Variants in SYNE2 observed in about 807,000 individuals in gnomAD.
SYNE2 encodes nesprin-2.
Under a neutral mutation model 856.3 loss-of-function variants are expected in SYNE2, and 431 were observed. The ratio of observed to expected loss-of-function variants is 0.50; its 90% CI spans 0.47 to 0.55. The LOEUF (loss-of-function observed/expected upper bound fraction) is 0.55. Ranked by LOEUF, SYNE2 falls within the 20% of genes least tolerant of loss-of-function variation. SYNE2 has a pLI of 0.00. For synonymous variants in SYNE2, 2,923 were observed against 2,872.3 expected, an observed-to-expected ratio of 1.02 and a Z score of -0.56; for missense variants, 8,129 against 8,023.2, an observed-to-expected ratio of 1.01 and a Z score of -0.50.
chr14:64,041,945 AC>A, intron 45 of SYNE2, among the ~76,000 whole-genome samples: 1 of 152,316 alleles, frequency 6.6e-6, no homozygotes. Flanking sequence ...TAAATCAATA[AC>A]TATCTATTGA....
chr14:64,119,683 T>G, intron 67 of SYNE2, 74 bp downstream of exon 67: 4 of 1,500,578 alleles, frequency 2.7e-6, no homozygotes, highest in Non-Finnish European at 3.7e-6. Context: ...GAACTCTGGT[T>G]GGAAGTGATG....
chr14:63,983,068 C>A (rs1242386515), intron 17 of SYNE2, among the ~76,000 whole-genome samples: 1 of 152,132 alleles, frequency 6.6e-6, no homozygotes, highest in Non-Finnish European at 1.5e-5. Context: ...ATAATGAAAT[C>A]ATATAATATG....
chr14:64,222,028 G>T (rs976933290), intron 112 of SYNE2, among the ~76,000 whole-genome samples: 1 of 152,194 alleles, frequency 6.6e-6, no homozygotes, highest in Non-Finnish European at 1.5e-5. Flanking sequence ...GAGAAATATG[G>T]TGCTCATTTG....
chr14:64,062,805 C>T lies in SYNE2; in HGVS notation c.10122C>T (p.Asn3374=). The change falls in exon 50 of 116, where the codon AAC becomes AAT. Residue 3374 remains asparagine (N), a synonymous_variant. Transcript: ENST00000555002. ...YRKMEEDIYT[N]LSKMETVLGQ... ...AAATGGAAGAGGATATTTACACTAA[C>T]CTCAGCAAAATGGAGACAGTTCTTG... The T allele has an allele frequency of 6.2e-7, 1 of 1,613,990 alleles. No individual in the cohort carries two copies. The highest frequency in any genetic ancestry group is 1.3e-5 in the African/African-American group (1 of 75,020).
intron 63 of SYNE2, 60 bp from the exon 64 acceptor site, chr14:64,101,872 C>G: frequency 1.6e-6 from 2 of 1,268,040 alleles, no homozygotes; most frequent in Non-Finnish European, 2.3e-6. Flanking sequence ...GTGAGTAGGG[C>G]ACCGGTTATG....
At chr14:64,121,944 G>A in intron 68 of SYNE2, 68 bp from the exon 69 acceptor site, 1 of 1,600,210 alleles carries the variant, frequency 6.2e-7, no homozygotes, top group Non-Finnish European at 8.5e-7. Flanking sequence ...TATCTCAGCA[G>A]AGGAAACTAG....
At position 64,113,378 on chromosome 14, in the gene SYNE2, C is replaced by A; in HGVS notation, c.12647C>A (p.Ser4216Tyr). 2 of 1,614,126 alleles carry A rather than the reference C, an allele frequency of 1.2e-6. No individual in the cohort carries two copies. Among genetic ancestry groups the A allele is most frequent in the Non-Finnish European group, 8.5e-7 (1 of 1,180,040 alleles). ...TPPIEADTLD[S>Y]SDAQGGLEPR... Reference sequence around the variant, plus strand: ...CCTATTGAGGCTGACACTCTGGACTCTTCTGACGCGCAAGGAGGTTTGGAG... The same window carrying A: ...CCTATTGAGGCTGACACTCTGGACTATTCTGACGCGCAAGGAGGTTTGGAG... Residue 4216 changes from serine (S) to tyrosine (Y), a missense_variant, in exon 66 of 116, where the codon TCT becomes TAT. Ser to Tyr is a moderately radical substitution (Grantham distance 144). Coordinates refer to ENST00000555002, the MANE Select transcript of SYNE2 (RefSeq NM_182914.3).
At chr14:64,144,061 C>A in intron 83 of SYNE2, 113 bp downstream of exon 83, 3 of 1,210,790 alleles carry the variant, frequency 2.5e-6, no homozygotes, top group Non-Finnish European at 2.5e-6. Flanking sequence ...TAATAATCAT[C>A]TCAACTATAG....
intron 95 of SYNE2, among the ~76,000 whole-genome samples, 180 bp from the exon 96 acceptor site, chr14:64,177,178 A>G (rs2098439089): frequency 6.6e-6 from 1 of 152,204 alleles, no homozygotes; most frequent in Non-Finnish European, 1.5e-5. Context: ...GTCGAGTCAT[A>G]TTGGTGTTCC....
intron 1 of SYNE2, among the ~76,000 whole-genome samples, chr14:63,812,512 A>T (rs781422474): frequency 3.3e-5 from 5 of 152,228 alleles, no homozygotes; most frequent in Non-Finnish European, 7.3e-5. Flanking sequence ...TATGAATATA[A>T]CAGGATTAAG....
At chr14:63,803,048 T>G (rs764129802) in intron 1 of SYNE2, among the ~76,000 whole-genome samples, 1 of 152,200 alleles carries the variant, frequency 6.6e-6, no homozygotes, top group South Asian at 2.1e-4. Context: ...GGCAGCCTGC[T>G]TTTATTCTCT....
At chr14:63,946,609 TAA>T (rs1208443814) in intron 6 of SYNE2, among the ~76,000 whole-genome samples, 6 of 147,466 alleles carry the variant, frequency 4.1e-5, no homozygotes, top group Admixed American at 1.4e-4. Flanking sequence ...CTGTAATATA[TAA>T]CTTTTGTCCA....
chr14:64,085,639 C>T (rs2153618718), intron 57 of SYNE2, among the ~76,000 whole-genome samples: 1 of 152,318 alleles, frequency 6.6e-6, no homozygotes. Context: ...CCACCAGCAA[C>T]ATCAGTTCTA....
chr14:64,172,904 C>T (rs912071459), intron 94 of SYNE2, among the ~76,000 whole-genome samples: 2 of 151,446 alleles, frequency 1.3e-5, no homozygotes, highest in African/African-American at 4.9e-5. Context: ...CACTGCACTC[C>T]AGCCTGGGTA....
rs1471228238 is a variant in SYNE2 at position 63,930,531 on chromosome 14, TTC to T, written c.80-10081_80-10080del. 8.0e-5 allele frequency among the ~76,000 whole-genome samples: 11 copies of T among 137,304 alleles called. 1 individual carries two copies. Among genetic ancestry groups the T allele is most frequent in the African/African-American group, 2.9e-4 (10 of 33,970 alleles). 90.1% of individuals were successfully genotyped at this position (137,304 alleles called of 152,430 possible). A position where few individuals can be genotyped will look rare whatever the true frequency, so the allele number is the denominator to read the frequency against. ...TCATCACTATCCTTTATCATTATCC[TTC>T]TTTTTTTTTTTTTTTTTAAAGACAG... On this transcript the variant is annotated intron_variant, in intron 2 of 115. Transcript: ENST00000555002.
chr14:64,188,723 C>A lies in SYNE2; in HGVS notation c.17871+15C>A. On this transcript the variant is annotated intron_variant, in intron 98 of 115. Coordinates refer to ENST00000555002, the MANE Select transcript of SYNE2 (RefSeq NM_182914.3). ...AGTTACAGAAGGTAAGGGAGGACAC[C>A]CAGGTGGATGTAGTTATGACTACCA... 6.2e-7 allele frequency: 1 copy of A among 1,613,744 alleles called. No homozygotes were observed. The highest frequency in any genetic ancestry group is 8.5e-7 in the Non-Finnish European group (1 of 1,179,820).
At chr14:63,887,749 C>CTTTTTTT (rs11450102) in intron 1 of SYNE2, among the ~76,000 whole-genome samples, 2 of 108,274 alleles carry the variant, frequency 1.8e-5, no homozygotes, top group African/African-American at 4.0e-5. Context: ...GTGAGTCCTG[C>CTTTTTTT]TTTTTTTTTT....
chr14:63,820,700 G>A (rs1241915897), intron 1 of SYNE2, among the ~76,000 whole-genome samples: 1 of 151,566 alleles, frequency 6.6e-6, no homozygotes, highest in South Asian at 2.1e-4. Flanking sequence ...ATCAGTGCTT[G>A]TTTTGGGATG....
At chr14:64,032,384 C>T (rs1344633315) in intron 45 of SYNE2, among the ~76,000 whole-genome samples, 1 of 151,964 alleles carries the variant, frequency 6.6e-6, no homozygotes, top group Non-Finnish European at 1.5e-5. Flanking sequence ...TAGCAAGAAC[C>T]CTGTCTCTAC....
Sources: gnomAD v4.1 joint callset for allele counts (sites outside exome capture counted in the v4.1 genomes callset) on GRCh38, gnomAD v4.1.1 for gene constraint, MANE v1.5 for transcripts, NCBI Gene and HGNC (gene_info 2026-07-23, HGNC 2026-07-21) for gene names.